Variants in CRIPTO observed in about 807,000 individuals in gnomAD.
The protein encoded by CRIPTO is cripto, EGF-CFC family member, also known as protein Cripto.
chr3:46,578,082 C>A, the CRIPTO span: 1 of 1,489,838 alleles, frequency 6.7e-7, no homozygotes, highest in Non-Finnish European at 9.4e-7. Flanking sequence ...CTACACCTGT[C>A]ATTTGATTTT....
At chr3:46,578,691 C>T in the CRIPTO span, among the ~76,000 whole-genome samples, 1 of 152,066 alleles carries the variant, frequency 6.6e-6, no homozygotes, top group African/African-American at 2.4e-5. Flanking sequence ...GGTGAAAAAC[C>T]GAAACTCCCT....
At chr3:46,578,038 A>T in the CRIPTO span, 2 of 1,605,160 alleles carry the variant, frequency 1.2e-6, no homozygotes, top group Non-Finnish European at 8.5e-7. Flanking sequence ...ACTTTTTTTG[A>T]TTGCTAGAGA....
the CRIPTO span, among the ~76,000 whole-genome samples, chr3:46,580,588 CCTT>C: frequency 1.3e-5 from 2 of 151,474 alleles, no homozygotes; most frequent in South Asian, 2.1e-4. Context: ...AACCCTTTCA[CCTT>C]CTTGATTTTT....
At chr3:46,578,186 G>A in the CRIPTO span, among the ~76,000 whole-genome samples, 4 of 152,080 alleles carry the variant, frequency 2.6e-5, no homozygotes, top group African/African-American at 9.7e-5. Context: ...CTTTGCCATT[G>A]GCTTTTAACA....
chr3:46,581,233 A>G, the CRIPTO span: 2 of 1,613,530 alleles, frequency 1.2e-6, no homozygotes, highest in Non-Finnish European at 1.7e-6. Flanking sequence ...CTGCCTTTCT[A>G]TACAAAGCTA....
At chr3:46,575,728 G>T in the CRIPTO span, among the ~76,000 whole-genome samples, 1 of 152,262 alleles carries the variant, frequency 6.6e-6, no homozygotes, top group East Asian at 1.9e-4. Flanking sequence ...TCTGCCACAG[G>T]CCTGCCCAGT....
At chr3:46,579,152 G>A in the CRIPTO span, 1 of 1,614,198 alleles carries the variant, frequency 6.2e-7, no homozygotes, top group Non-Finnish European at 8.5e-7. Flanking sequence ...TTGCCGGTGA[G>A]AGACCTTTTG....
chr3:46,581,279 A>G, the CRIPTO span: 2 of 1,538,208 alleles, frequency 1.3e-6, no homozygotes, highest in Non-Finnish European at 1.8e-6. Flanking sequence ...CAGAAATACA[A>G]TTTTAGATAT....
chr3:46,576,447 C>T, the CRIPTO span, among the ~76,000 whole-genome samples: 1 of 137,248 alleles, frequency 7.3e-6, no homozygotes, highest in African/African-American at 2.8e-5. Flanking sequence ...TGCCATTGCA[C>T]TCCAGCCCGG....
At chr3:46,578,994 T>G in the CRIPTO span, 26 of 1,281,028 alleles carry the variant, frequency 2.0e-5, no homozygotes, top group Non-Finnish European at 2.7e-5. Flanking sequence ...TTCTTTTCAG[T>G]GATCTGTGGT....
At chr3:46,581,207 T>C in the CRIPTO span, 1 of 1,614,230 alleles carries the variant, frequency 6.2e-7, no homozygotes, top group South Asian at 1.1e-5. Flanking sequence ...ACTACCACTT[T>C]TATGCTAGTT....
At chr3:46,576,637 A>G in the CRIPTO span, among the ~76,000 whole-genome samples, 1 of 152,112 alleles carries the variant, frequency 6.6e-6, no homozygotes, top group Non-Finnish European at 1.5e-5. Context: ...AATCCAATAA[A>G]CAGAGATGGA....
At chr3:46,578,796 G>A in the CRIPTO span, among the ~76,000 whole-genome samples, 14 of 152,290 alleles carry the variant, frequency 9.2e-5, 1 homozygote, top group Admixed American at 6.5e-4. Context: ...AAAATTGTAT[G>A]CAGGGGAAAA....
chr3:46,581,743 C>T, the CRIPTO span: 2 of 363,746 alleles, frequency 5.5e-6, no homozygotes, highest in Non-Finnish European at 9.8e-6. Flanking sequence ...GAACTCCTGA[C>T]CTTGTGATCC....
At chr3:46,578,499 G>C in the CRIPTO span, among the ~76,000 whole-genome samples, 10 of 152,074 alleles carry the variant, frequency 6.6e-5, no homozygotes, top group African/African-American at 2.4e-4. Flanking sequence ...TGGATCACCT[G>C]AGGTCAGGAG....
At chr3:46,581,086 C>T in the CRIPTO span, 6 of 1,422,142 alleles carry the variant, frequency 4.2e-6, no homozygotes, top group African/African-American at 1.4e-5. Context: ...GCAGGATGAA[C>T]TGCCAGAGAG....
the CRIPTO span, chr3:46,580,071 G>A: frequency 1.2e-6 from 2 of 1,614,238 alleles, no homozygotes; most frequent in African/African-American, 1.3e-5. Context: ...GTAAGCGGAG[G>A]TTCTCCTCTT....
At chr3:46,579,322 G>A in the CRIPTO span, 23 of 1,613,972 alleles carry the variant, frequency 1.4e-5, no homozygotes, top group African/African-American at 2.1e-4. Flanking sequence ...CCTGCAATTC[G>A]GCCTCGGTCT....
the CRIPTO span, chr3:46,577,985 A>C: frequency 1.9e-6 from 3 of 1,614,130 alleles, no homozygotes; most frequent in Non-Finnish European, 2.5e-6. Flanking sequence ...CTGCAGGAAG[A>C]TGGCCCGCTT....
Sources: gnomAD v4.1 joint callset for allele counts (sites outside exome capture counted in the v4.1 genomes callset) on GRCh38, gnomAD v4.1.1 for gene constraint, MANE v1.5 for transcripts, NCBI Gene and HGNC (gene_info 2026-07-23, HGNC 2026-07-21) for gene names.